Variants in NXPH1 observed in about 807,000 individuals in gnomAD.
NXPH1 encodes the protein neurexophilin 1.
NXPH1 carries 5 observed loss-of-function variants against 23.7 expected under a neutral mutation model. The ratio of observed to expected loss-of-function variants is 0.21; its 90% CI spans 0.11 to 0.44. The LOEUF is 0.44. NXPH1 is among the 20% of genes least tolerant of loss of function. NXPH1 has a pLI of 0.99. For missense variants in NXPH1, 324 were observed against 321.6 expected (o/e 1.01, Z -0.06); for synonymous variants, 144 against 122.2 (o/e 1.18, Z -1.18).
intron 2 of NXPH1, among the ~76,000 whole-genome samples, chr7:8,640,566 T>C (rs1820292025): frequency 6.6e-6 from 1 of 152,122 alleles, no homozygotes; most frequent in African/African-American, 2.4e-5. Context: ...TATTGTGTGT[T>C]TTAATATATA....
chr7:8,588,618 A>G (rs1165544454), intron 2 of NXPH1, among the ~76,000 whole-genome samples: 1 of 152,070 alleles, frequency 6.6e-6, no homozygotes, highest in Admixed American at 6.5e-5. Context: ...CATTAGTTCC[A>G]TCTTGGAAGA....
chr7:8,665,378 AC>A (rs1415926492), intron 2 of NXPH1, among the ~76,000 whole-genome samples: 2 of 151,898 alleles, frequency 1.3e-5, no homozygotes, highest in African/African-American at 4.8e-5. Context: ...CCATTAGTCT[AC>A]TTTCCTTTTA....
intron 2 of NXPH1, among the ~76,000 whole-genome samples, chr7:8,467,361 T>C (rs1816802956): frequency 6.6e-6 from 1 of 152,182 alleles, no homozygotes; most frequent in Non-Finnish European, 1.5e-5. Flanking sequence ...CCTAAGGTCA[T>C]ATCATGCACA....
chr7:8,736,728 G>C (rs971286287), intron 2 of NXPH1, among the ~76,000 whole-genome samples: 4 of 152,146 alleles, frequency 2.6e-5, no homozygotes, highest in Non-Finnish European at 5.9e-5. Context: ...TGACAGTGGG[G>C]TGTTAAAGTC....
At chr7:8,660,001 A>G (rs1820647193) in intron 2 of NXPH1, among the ~76,000 whole-genome samples, 1 of 152,170 alleles carries the variant, frequency 6.6e-6, no homozygotes, top group Non-Finnish European at 1.5e-5. Context: ...TGTTTGGGGA[A>G]TACTTAAGAG....
At chr7:8,635,368 C>T (rs1458450289) in intron 2 of NXPH1, among the ~76,000 whole-genome samples, 2 of 152,306 alleles carry the variant, frequency 1.3e-5, no homozygotes, top group African/African-American at 2.4e-5. Flanking sequence ...AAAAGAACTT[C>T]AGAGTTTCTT....
intron 2 of NXPH1, among the ~76,000 whole-genome samples, chr7:8,582,026 G>A (rs544364066): frequency 2.8e-4 from 42 of 152,336 alleles, no homozygotes; most frequent in Non-Finnish European, 4.6e-4. Flanking sequence ...TCTGGCGTCT[G>A]CACATAGCCA....
intron 2 of NXPH1, among the ~76,000 whole-genome samples, chr7:8,604,555 G>GA (rs981041100): frequency 3.3e-5 from 5 of 152,076 alleles, no homozygotes; most frequent in Non-Finnish European, 7.4e-5. Context: ...GAGGGGCTTT[G>GA]AAGTGAACAA....
At chr7:8,475,770 A>C (rs1026429162) in intron 2 of NXPH1, among the ~76,000 whole-genome samples, 2 of 152,192 alleles carry the variant, frequency 1.3e-5, no homozygotes, top group African/African-American at 4.8e-5. Context: ...TGTTAAAATA[A>C]GAAGGATATA....
At chr7:8,449,306 A>T (rs953650295) in intron 2 of NXPH1, among the ~76,000 whole-genome samples, 2 of 152,210 alleles carry the variant, frequency 1.3e-5, no homozygotes, top group Non-Finnish European at 2.9e-5. Flanking sequence ...TGCCCTGGGT[A>T]TCCAAGAAAA....
intron 2 of NXPH1, among the ~76,000 whole-genome samples, chr7:8,474,913 C>T (rs777615975): frequency 3.9e-5 from 6 of 152,074 alleles, no homozygotes; most frequent in Non-Finnish European, 8.8e-5. Flanking sequence ...TTCTAAGTAC[C>T]TTCTCCCAGG....
chr7:8,732,583 A>G (rs1172468144), intron 2 of NXPH1, among the ~76,000 whole-genome samples: 9 of 152,238 alleles, frequency 5.9e-5, no homozygotes, highest in Non-Finnish European at 1.0e-4. Flanking sequence ...TGGGTAATAC[A>G]AAAGTGATTC....
intron 2 of NXPH1, among the ~76,000 whole-genome samples, chr7:8,735,413 G>T (rs770017570): frequency 6.6e-6 from 1 of 152,148 alleles, no homozygotes; most frequent in African/African-American, 2.4e-5. Flanking sequence ...TTTTGTCATT[G>T]GTTATGTTTA....
chr7:8,692,710 C>A (rs1821240869), intron 2 of NXPH1, among the ~76,000 whole-genome samples: 1 of 152,138 alleles, frequency 6.6e-6, no homozygotes, highest in Non-Finnish European at 1.5e-5. Flanking sequence ...TAGTCTAACT[C>A]CCAGTATCCT....
chr7:8,528,138 T>C (rs542959933), intron 2 of NXPH1, among the ~76,000 whole-genome samples: 2 of 152,150 alleles, frequency 1.3e-5, no homozygotes, highest in South Asian at 4.2e-4. Context: ...GGGGAAGTGG[T>C]TTCATTTACA....
At chr7:8,521,481 G>T (rs2128615720) in intron 2 of NXPH1, among the ~76,000 whole-genome samples, 1 of 152,252 alleles carries the variant, frequency 6.6e-6, no homozygotes, top group Non-Finnish European at 1.5e-5. Context: ...TGCTGAGAAA[G>T]CTACCTCCAA....
chr7:8,565,870 G>A (rs1346369519), intron 2 of NXPH1, among the ~76,000 whole-genome samples: 1 of 151,718 alleles, frequency 6.6e-6, no homozygotes, highest in Non-Finnish European at 1.5e-5. Flanking sequence ...CAATAACAAA[G>A]TTGTTAAAGT....
chr7:8,750,874 T>C, intron 2 of NXPH1, 134 bp from the exon 3 acceptor site: 1 of 799,376 alleles, frequency 1.3e-6, no homozygotes, highest in Non-Finnish European at 2.0e-6. Flanking sequence ...CTTTGGGTGT[T>C]CTTCTCAGAT....
At chr7:8,599,147 G>A (rs766436244) in intron 2 of NXPH1, among the ~76,000 whole-genome samples, 2 of 152,104 alleles carry the variant, frequency 1.3e-5, no homozygotes, top group Non-Finnish European at 2.9e-5. Flanking sequence ...CAAATAGAAG[G>A]CTGTGGGAGA....
Sources: gnomAD v4.1 joint callset for allele counts (sites outside exome capture counted in the v4.1 genomes callset) on GRCh38, gnomAD v4.1.1 for gene constraint, MANE v1.5 for transcripts, NCBI Gene and HGNC (gene_info 2026-07-23, HGNC 2026-07-21) for gene names.